The following CACNA1B variants were observed in gnomAD, a reference collection of about 807,000 sequenced individuals.
CACNA1B encodes the protein calcium voltage-gated channel subunit alpha1 B.
A neutral mutation model predicts 247.2 loss-of-function variants in CACNA1B; 70 were observed. The observed-to-expected ratio is 0.28, with a 90% CI of 0.23 to 0.35. The LOEUF (loss-of-function observed/expected upper bound fraction) is 0.35, where lower values mean the gene tolerates loss of function less well. CACNA1B is among the 10% of genes least tolerant of loss of function. The pLI, the probability that CACNA1B is intolerant of heterozygous loss-of-function variation, is 1.00. For missense variants in CACNA1B, 2,367 were observed against 3,197.4 expected (o/e 0.74, Z 6.26); for synonymous variants, 1,231 against 1,294.4 (o/e 0.95, Z 1.05).
At chr9:138,120,510 C>T (rs1035928856) in intron 45 of CACNA1B, 121 bp from the exon 46 acceptor site, 80 of 1,376,634 alleles carry the variant, frequency 5.8e-5, no homozygotes, top group South Asian at 1.2e-4. Flanking sequence ...GACTGAGGCC[C>T]AGGCCCTAAC....
chr9:137,881,084 C>CT lies in CACNA1B; in HGVS notation c.391-1659dup, dbSNP rs1318318394. On this transcript the variant is annotated intron_variant, in intron 2 of 46. Coordinates refer to ENST00000371372, the MANE Select transcript of CACNA1B (RefSeq NM_000718.4). This position sits in a 1 kb window ranked among gnomAD's most constrained non-coding sequence, Gnocchi z 4.3. Reference sequence around the variant, plus strand: ...AGCTGAGGGTGCTGGCTGGTCCTTCCTAGGCGTCGGGCCTGTTCTCTTTTT... The same window carrying CT: ...AGCTGAGGGTGCTGGCTGGTCCTTCCTTAGGCGTCGGGCCTGTTCTCTTTTT... Among the ~76,000 whole-genome samples, 3 of 152,344 alleles carry CT rather than the reference C, an allele frequency of 2.0e-5. No individual in the cohort carries two copies. The highest frequency in any genetic ancestry group is 6.5e-5 in the Admixed American group (1 of 15,312).
intron 36 of CACNA1B, among the ~76,000 whole-genome samples, chr9:138,084,568 C>A (rs1224460343): frequency 6.6e-6 from 1 of 151,292 alleles, no homozygotes; most frequent in East Asian, 2.0e-4. Context: ...CCAGCTGGCA[C>A]ACTAAAACCC....
chr9:138,120,106 C>T, intron 44 of CACNA1B, 59 bp from the exon 45 acceptor site: 1 of 1,420,484 alleles, frequency 7.0e-7, no homozygotes, highest in Middle Eastern at 2.4e-4. Context: ...ACTTCCATGC[C>T]TGCATTCCCG....
intron 6 of CACNA1B, among the ~76,000 whole-genome samples, chr9:137,929,217 C>T (rs1286708472): frequency 6.6e-6 from 1 of 152,164 alleles, no homozygotes; most frequent in East Asian, 1.9e-4. Flanking sequence ...ACAAGGGCTC[C>T]AGTTTCTCTG....
At chr9:138,043,713 C>G in intron 20 of CACNA1B, 61 bp from the exon 21 acceptor site, 1 of 1,596,340 alleles carries the variant, frequency 6.3e-7, no homozygotes, top group Non-Finnish European at 8.6e-7. Flanking sequence ...TGGGAGGGAG[C>G]CACGCAACGT....
chr9:137,913,019 T>TG lies in CACNA1B; in HGVS notation c.531-155dup, dbSNP rs757822193. Among the ~76,000 whole-genome samples the TG allele has an allele frequency of 6.7e-6, 1 of 148,400 alleles. No homozygotes were observed. The highest frequency in any genetic ancestry group is 1.5e-5 in the Non-Finnish European group (1 of 65,964). On this transcript the variant is annotated intron_variant, in intron 3 of 46. Transcript: ENST00000371372. The surrounding 1 kb of genome is among the most constrained non-coding windows in gnomAD (Gnocchi z 5.2). ...CTGTGCTGGCCCTGTGGTTGGACAG[T>TG]GGGGGGACACAGGTGCTGGCCCTGT...
chr9:137,969,048 G>T (rs1958114969), intron 10 of CACNA1B, among the ~76,000 whole-genome samples: 1 of 152,206 alleles, frequency 6.6e-6, no homozygotes, highest in African/African-American at 2.4e-5. Context: ...GCTTTTACTG[G>T]AGCAGACTGG....
At position 138,091,675 on chromosome 9, in the gene CACNA1B, G is replaced by A. The variant is rs555680963; in HGVS notation, c.5095-4809G>A. ...ATTATACTGTACCCCATAAATATAT[G>A]CAATTATTACATGTCAATTAAAAAA... On this transcript the variant is annotated intron_variant, in intron 36 of 46. Transcript: ENST00000371372. 2.6e-5 allele frequency among the ~76,000 whole-genome samples: 4 copies of A among 151,916 alleles called. No individual in the cohort carries two copies. The East Asian group carries it at 5.8e-4, about 22-fold the overall frequency.
At chr9:138,082,331 G>A (rs1042924697) in intron 36 of CACNA1B, among the ~76,000 whole-genome samples, 13 of 151,248 alleles carry the variant, frequency 8.6e-5, no homozygotes, top group African/African-American at 1.5e-4. Context: ...AGAATGATTC[G>A]CAAGTTGTGC....
chr9:137,953,568 C>T lies in CACNA1B; in HGVS notation c.1070+1191C>T, dbSNP rs192311559. On this transcript the variant is annotated intron_variant, in intron 7 of 46. Transcript: ENST00000371372. Reference sequence around the variant, plus strand: ...CATGGGAACCAGCAAGCGACCGGCTCACGGGATGGAAATAGAACTCCTAGC... The same window carrying T: ...CATGGGAACCAGCAAGCGACCGGCTTACGGGATGGAAATAGAACTCCTAGC... 3.3e-3 allele frequency among the ~76,000 whole-genome samples: 504 copies of T among 152,296 alleles called. 2 individuals carry two copies. Among genetic ancestry groups the T allele is most frequent in the African/African-American group, 0.012 (482 of 41,550 alleles).
At position 138,054,308 on chromosome 9, in the gene CACNA1B, TG is replaced by T. The variant is rs1330172198; in HGVS notation, c.3968+305del. Among the ~76,000 whole-genome samples, 1 of 152,238 alleles carries T rather than the reference TG, an allele frequency of 6.6e-6. No homozygotes were observed. The highest frequency in any genetic ancestry group is 1.5e-5 in the Non-Finnish European group (1 of 68,028). On this transcript the variant is annotated intron_variant, in intron 26 of 46. Coordinates refer to ENST00000371372, the MANE Select transcript of CACNA1B (RefSeq NM_000718.4). The surrounding 1 kb of genome is among the most constrained non-coding windows in gnomAD (Gnocchi z 4.6). ...CATCCAGGGAGCTCAAGGTGCCCAC[TG>T]GGCAAGGCTTTCTCTAAGCCCTAGA... is the stretch of plus-strand genomic sequence containing the variant.
At chr9:138,055,890 G>A (rs1399557632) in intron 26 of CACNA1B, among the ~76,000 whole-genome samples, 1 of 152,086 alleles carries the variant, frequency 6.6e-6, no homozygotes, top group African/African-American at 2.4e-5. Flanking sequence ...GCTGGGTATG[G>A]TGGCCAGCAC....
chr9:137,905,968 A>AT (rs1331854059), intron 3 of CACNA1B, among the ~76,000 whole-genome samples: 1 of 152,078 alleles, frequency 6.6e-6, no homozygotes, highest in African/African-American at 2.4e-5. Context: ...TGTAGACCAG[A>AT]TTTTTTCCTG....
Position 138,073,663 on chromosome 9 carries a change from GC to G in CACNA1B, c.4791+64del. ...CCCCTTCCTCCGTCTTGCTTCCCCT[GC>G]CCCCACCACAGTGGCCCCTCCTTTG... On this transcript the variant is annotated intron_variant, in intron 33 of 46. Coordinates refer to ENST00000371372, the MANE Select transcript of CACNA1B (RefSeq NM_000718.4). This position sits in a 1 kb window ranked among gnomAD's most constrained non-coding sequence, Gnocchi z 6.4. 9.9e-7 allele frequency: 1 copy of G among 1,005,778 alleles called. No individual in the cohort carries two copies. The highest frequency in any genetic ancestry group is 1.6e-6 in the Non-Finnish European group (1 of 628,668). 62.3% of individuals were successfully genotyped at this position (1,005,778 alleles called of 1,614,324 possible). A position where few individuals can be genotyped will look rare whatever the true frequency, so the allele number is the denominator to read the frequency against.
chr9:137,949,096 G>C (rs1390993443), intron 6 of CACNA1B, among the ~76,000 whole-genome samples: 25 of 73,508 alleles, frequency 3.4e-4, no homozygotes, highest in East Asian at 8.1e-4. Context: ...TGTGGTGTGT[G>C]CATGTTTGTG....
At chr9:138,105,671 G>C in intron 38 of CACNA1B, 28 bp from the exon 39 acceptor site, 1 of 1,308,212 alleles carries the variant, frequency 7.6e-7, no homozygotes. Context: ...CAGCAGGCCT[G>C]GCCCTGACCG....
rs1488417328 is a variant in CACNA1B, at chr9:137,914,417, G to A, written c.623-237G>A. ...GCCTACTTTGAGACACTTCTCAGTCGACTTCTCTCTAGGACCTTATGCTTT... is the reference window on the plus strand; with the variant it reads ...GCCTACTTTGAGACACTTCTCAGTCAACTTCTCTCTAGGACCTTATGCTTT... On this transcript the variant is annotated intron_variant, in intron 4 of 46. Transcript: ENST00000371372. This position sits in a 1 kb window ranked among gnomAD's most constrained non-coding sequence, Gnocchi z 4.3. Among the ~76,000 whole-genome samples, 1 of 151,326 alleles carries A rather than the reference G, an allele frequency of 6.6e-6. No homozygotes were observed. Among genetic ancestry groups the A allele is most frequent in the Non-Finnish European group, 1.5e-5 (1 of 67,960 alleles).
At chr9:137,963,444 G>A (rs1217004391) in intron 10 of CACNA1B, among the ~76,000 whole-genome samples, 1 of 152,148 alleles carries the variant, frequency 6.6e-6, no homozygotes. Context: ...GCCCAGGCTG[G>A]AGTGCAGTGG....
chr9:138,025,561 T>C (rs1196364695), intron 20 of CACNA1B, among the ~76,000 whole-genome samples: 5 of 152,190 alleles, frequency 3.3e-5, no homozygotes, highest in Admixed American at 3.3e-4. Context: ...CGGCCTTGAC[T>C]GGGGCTGAGA....
Sources: gnomAD v4.1 joint callset for allele counts (sites outside exome capture counted in the v4.1 genomes callset) on GRCh38, gnomAD v4.1.1 for gene constraint, Gnocchi (gnomAD v3.1) non-coding constraint, MANE v1.5 for transcripts, NCBI Gene and HGNC (gene_info 2026-07-23, HGNC 2026-07-21) for gene names.